The following PARP8 variants were observed in gnomAD, a reference collection of about 807,000 sequenced individuals.
PARP8 encodes poly(ADP-ribose) polymerase family member 8.
A neutral mutation model predicts 124.1 loss-of-function variants in PARP8; 51 were observed. The observed-to-expected ratio is 0.41, with a 90% CI of 0.33 to 0.52. The LOEUF is 0.52. PARP8 is among the 20% of genes least tolerant of loss of function. The probability of loss-of-function intolerance (pLI) is 0.21; values close to 1 mark genes in which losing one functional copy is unlikely to be tolerated. For synonymous variants in PARP8, 391 were observed against 361.5 expected (o/e 1.08, Z -0.93); for missense variants, 860 against 1,018.9 (o/e 0.84, Z 2.12).
intron 2 of PARP8, among the ~76,000 whole-genome samples, chr5:50,713,008 A>G (rs1309790161): frequency 2.6e-5 from 4 of 152,038 alleles, no homozygotes; most frequent in Admixed American, 2.6e-4. Context: ...TGGCAATTAA[A>G]AGAGTGAGTA....
intron 14 of PARP8, among the ~76,000 whole-genome samples, chr5:50,797,954 C>T (rs1034659133): frequency 8.6e-5 from 13 of 152,038 alleles, no homozygotes; most frequent in Admixed American, 6.6e-4. Context: ...ATTCTGTTAC[C>T]AGTCACTCCC....
intron 25 of PARP8, among the ~76,000 whole-genome samples, chr5:50,841,605 C>A (rs1347719420): frequency 6.6e-6 from 1 of 151,754 alleles, no homozygotes; most frequent in African/African-American, 2.4e-5. Flanking sequence ...ATTAAGAAGT[C>A]CAGAATCTTA....
intron 7 of PARP8, among the ~76,000 whole-genome samples, chr5:50,766,143 G>T (rs193001138): frequency 6.6e-6 from 1 of 152,174 alleles, no homozygotes; most frequent in Admixed American, 6.5e-5. Flanking sequence ...AAAAGTGAGT[G>T]ATGATAGATA....
intron 3 of PARP8, among the ~76,000 whole-genome samples, chr5:50,750,430 G>T (rs1349886122): frequency 6.6e-6 from 1 of 151,992 alleles, no homozygotes; most frequent in East Asian, 1.9e-4. Context: ...GATAGTTCCA[G>T]CCTGTGCATT....
At chr5:50,677,194 T>G (rs1750729877) in intron 2 of PARP8, among the ~76,000 whole-genome samples, 1 of 151,936 alleles carries the variant, frequency 6.6e-6, no homozygotes, top group African/African-American at 2.4e-5. Context: ...TTGATCTCCT[T>G]AAGAAGAGAC....
rs547260474 is a variant in PARP8, at chr5:50,807,365, A to G, written c.1576-8067A>G. ...CATTTTGCATCTGCGTAACGCTCAC[A>G]TTAACATCCCAAGAATTGTTCAGGA... On this transcript the variant is annotated intron_variant, in intron 14 of 25. Coordinates refer to ENST00000281631, the MANE Select transcript of PARP8 (RefSeq NM_024615.4). Among the ~76,000 whole-genome samples, 4 of 152,194 alleles carry G rather than the reference A, an allele frequency of 2.6e-5. No homozygotes were observed. The East Asian group carries it at 7.7e-4, about 29-fold the overall frequency.
chr5:50,765,843 A>G (rs1017883618), intron 7 of PARP8, among the ~76,000 whole-genome samples: 1 of 152,248 alleles, frequency 6.6e-6, no homozygotes, highest in African/African-American at 2.4e-5. Flanking sequence ...TCTTGAAATC[A>G]TCTTCCTTGC....
chr5:50,793,634 T>A (rs952788155), intron 10 of PARP8, among the ~76,000 whole-genome samples: 1 of 152,220 alleles, frequency 6.6e-6, no homozygotes, highest in East Asian at 1.9e-4. Flanking sequence ...GTTGAAGATA[T>A]AATTTGCTGA....
chr5:50,699,974 A>G (rs923548166), intron 2 of PARP8, among the ~76,000 whole-genome samples: 5 of 152,180 alleles, frequency 3.3e-5, no homozygotes, highest in African/African-American at 1.2e-4. Flanking sequence ...GATAGATAGC[A>G]TGACTCATGG....
Position 50,843,168 on chromosome 5 carries a change from A to G in PARP8, c.*1100A>G, listed in dbSNP as rs1384694599. On this transcript the variant is annotated 3_prime_UTR_variant, in exon 26 of 26. Coordinates refer to ENST00000281631, the MANE Select transcript of PARP8 (RefSeq NM_024615.4). ...GAGAACAGTAACACCAGCTCTCAGC[A>G]TTTCCTTTTCAAGAGTCATAATTTC... 6.6e-6 allele frequency: 1 copy of G among 151,734 alleles called. No homozygotes were observed. Among genetic ancestry groups the G allele is most frequent in the Non-Finnish European group, 1.5e-5 (1 of 67,812 alleles). 9.4% of individuals were successfully genotyped at this position (151,734 alleles called of 1,614,324 possible).
chr5:50,704,115 T>C (rs1034091947), intron 2 of PARP8, among the ~76,000 whole-genome samples: 3 of 152,144 alleles, frequency 2.0e-5, no homozygotes, highest in Non-Finnish European at 4.4e-5. Context: ...ATTGTCCAGC[T>C]TGTGCACTAG....
chr5:50,745,783 A>G (rs1265775192), intron 2 of PARP8, among the ~76,000 whole-genome samples: 1 of 152,252 alleles, frequency 6.6e-6, no homozygotes, highest in Non-Finnish European at 1.5e-5. Context: ...CTGCCAGATC[A>G]GAAGGGTGCC....
chr5:50,809,620 G>C (rs1050092367), intron 14 of PARP8, among the ~76,000 whole-genome samples: 5 of 151,906 alleles, frequency 3.3e-5, no homozygotes, highest in Admixed American at 1.3e-4. Flanking sequence ...TTATCAACTT[G>C]AGAGCTAGAT....
At chr5:50,733,383 C>A (rs1440462631) in intron 2 of PARP8, among the ~76,000 whole-genome samples, 1 of 152,054 alleles carries the variant, frequency 6.6e-6, no homozygotes, top group African/African-American at 2.4e-5. Context: ...CTTTTAAAAA[C>A]TGAAAATTCA....
intron 9 of PARP8, 129 bp downstream of exon 9, chr5:50,778,779 A>C (rs1740325452): frequency 4.3e-6 from 2 of 470,478 alleles, no homozygotes; most frequent in Non-Finnish European, 7.4e-6. Context: ...TATTTAAAGA[A>C]GCTTGCAGTC....
intron 2 of PARP8, among the ~76,000 whole-genome samples, chr5:50,731,489 A>G (rs1580128355): frequency 6.6e-6 from 1 of 152,218 alleles, no homozygotes; most frequent in Non-Finnish European, 1.5e-5. Context: ...AAATTTATTT[A>G]TATGCTAAAG....
chr5:50,797,851 A>C (rs1414648554), intron 14 of PARP8, among the ~76,000 whole-genome samples: 1 of 152,202 alleles, frequency 6.6e-6, no homozygotes, highest in African/African-American at 2.4e-5. Context: ...TAAAGTATAC[A>C]ATTCAGTGGT....
At chr5:50,706,567 T>G (rs916517523) in intron 2 of PARP8, among the ~76,000 whole-genome samples, 3 of 152,138 alleles carry the variant, frequency 2.0e-5, no homozygotes, top group African/African-American at 7.2e-5. Flanking sequence ...GTTCAAGATC[T>G]TCATCATTTT....
At chr5:50,789,041 C>G (rs1741638479) in intron 10 of PARP8, among the ~76,000 whole-genome samples, 2 of 152,270 alleles carry the variant, frequency 1.3e-5, no homozygotes, top group Admixed American at 6.5e-5. Flanking sequence ...TTACTGGGCT[C>G]TATTGAGGGC....
Sources: gnomAD v4.1 joint callset for allele counts (sites outside exome capture counted in the v4.1 genomes callset) on GRCh38, gnomAD v4.1.1 for gene constraint, MANE v1.5 for transcripts, NCBI Gene and HGNC (gene_info 2026-07-23, HGNC 2026-07-21) for gene names.